Variants in MAGI2 observed in about 807,000 individuals in gnomAD.
MAGI2 encodes membrane associated guanylate kinase, WW and PDZ domain containing 2.
A neutral mutation model predicts 133.3 loss-of-function variants in MAGI2; 35 were observed. The ratio of observed to expected loss-of-function variants is 0.26; its 90% CI spans 0.20 to 0.35. The LOEUF is 0.35. MAGI2 is among the 10% of genes least tolerant of loss of function. The probability of loss-of-function intolerance (pLI) is 1.00; values close to 1 mark genes in which losing one functional copy is unlikely to be tolerated. For missense variants in MAGI2, 1,636 were observed against 1,863.4 expected, an observed-to-expected ratio of 0.88 and a Z score of 2.25; for synonymous variants, 729 against 710.6, an observed-to-expected ratio of 1.03 and a Z score of -0.41.
chr7:78,082,757 C>G (rs1816122690), intron 20 of MAGI2, among the ~76,000 whole-genome samples: 2 of 152,144 alleles, frequency 1.3e-5, no homozygotes, highest in Non-Finnish European at 2.9e-5. Context: ...CGTTGCAAAG[C>G]ACTCTGGGCA....
intron 2 of MAGI2, among the ~76,000 whole-genome samples, chr7:78,677,686 T>A (rs937702539): frequency 2.6e-5 from 4 of 152,152 alleles, no homozygotes; most frequent in African/African-American, 7.2e-5. Context: ...ATGGATTTAC[T>A]GGGGATTCTT....
intron 4 of MAGI2, among the ~76,000 whole-genome samples, chr7:78,521,175 A>G (rs920734076): frequency 1.3e-5 from 2 of 150,490 alleles, no homozygotes; most frequent in Admixed American, 1.3e-4. Context: ...GTAGTTGAAA[A>G]AATATGCCAA....
At position 78,229,957 on chromosome 7, in the gene MAGI2, C is replaced by T. The variant is rs528842575; in HGVS notation, c.2047+25986G>A. Among the ~76,000 whole-genome samples, 17 of 152,270 alleles carry T rather than the reference C, an allele frequency of 1.1e-4. No individual in the cohort carries two copies. The South Asian group carries it at 2.9e-3, about 26-fold the overall frequency. ...GGATTAGTGACCCACAGAAAAATGA[C>T]GATTAGAACATGGTTCTAATAAACG... On this transcript the variant is annotated intron_variant, in intron 10 of 21. Coordinates refer to ENST00000354212, the MANE Select transcript of MAGI2 (RefSeq NM_012301.4).
At chr7:78,378,509 A>G (rs1794650408) in intron 6 of MAGI2, among the ~76,000 whole-genome samples, 1 of 152,080 alleles carries the variant, frequency 6.6e-6, no homozygotes, top group Admixed American at 6.6e-5. Context: ...GCTCCTTACA[A>G]TGGAAAAATC....
chr7:79,006,886 T>C lies in MAGI2; in HGVS notation c.418+204A>G, dbSNP rs4730601. 0.68 allele frequency: 287,063 copies of C among 419,178 alleles called. 98,993 individuals carry two copies. Among genetic ancestry groups the C allele is most frequent in the Non-Finnish European group, 0.7 (167,398 of 238,716 alleles). 26.0% of individuals were successfully genotyped at this position (419,178 alleles called of 1,614,324 possible). A position where few individuals can be genotyped will look rare whatever the true frequency, so the allele number is the denominator to read the frequency against. ...ATTTTATAGCTTGAAAATCACAAGT[T>C]TCTTCTGGCTACAACTTCATCATAA... On this transcript the variant is annotated intron_variant, in intron 2 of 21. Coordinates refer to ENST00000354212, the MANE Select transcript of MAGI2 (RefSeq NM_012301.4).
chr7:78,283,098 A>G (rs1030620663), intron 9 of MAGI2, among the ~76,000 whole-genome samples: 4 of 152,102 alleles, frequency 2.6e-5, no homozygotes, highest in African/African-American at 9.7e-5. Context: ...CCTGAGCTCC[A>G]GTGATACTTC....
chr7:78,494,743 A>G (rs1318888279), intron 5 of MAGI2, among the ~76,000 whole-genome samples: 1 of 152,184 alleles, frequency 6.6e-6, no homozygotes, highest in African/African-American at 2.4e-5. Context: ...TAGTGAAATG[A>G]AAAGCTTTTA....
At chr7:78,512,759 A>G (rs898172003) in intron 4 of MAGI2, among the ~76,000 whole-genome samples, 6 of 152,204 alleles carry the variant, frequency 3.9e-5, no homozygotes, top group African/African-American at 1.4e-4. Flanking sequence ...TTCGTGCCTC[A>G]CAATTATTTT....
At chr7:79,067,748 A>C (rs1349988327) in intron 1 of MAGI2, among the ~76,000 whole-genome samples, 1 of 152,194 alleles carries the variant, frequency 6.6e-6, no homozygotes, top group African/African-American at 2.4e-5. Flanking sequence ...GGTTTGACCT[A>C]AATAGCTCTT....
chr7:78,783,113 A>G (rs1299704789), intron 2 of MAGI2, among the ~76,000 whole-genome samples: 1 of 144,494 alleles, frequency 6.9e-6, no homozygotes. Flanking sequence ...TATATTCCCC[A>G]CAGCACGTAG....
intron 3 of MAGI2, among the ~76,000 whole-genome samples, chr7:78,529,484 A>T (rs117393504): frequency 0.017 from 2,632 of 152,276 alleles, 47 homozygotes; most frequent in Non-Finnish European, 0.023. Context: ...AAAAGAAGGC[A>T]TTTGAACATT....
intron 3 of MAGI2, among the ~76,000 whole-genome samples, chr7:78,594,183 G>T (rs142540698): frequency 6.6e-6 from 1 of 152,176 alleles, no homozygotes; most frequent in African/African-American, 2.4e-5. Context: ...CAGTTTGCCG[G>T]AACTATATAG....
chr7:78,234,547 A>C (rs1483711973), intron 10 of MAGI2, among the ~76,000 whole-genome samples: 1 of 110,556 alleles, frequency 9.0e-6, no homozygotes, highest in Non-Finnish European at 2.2e-5. Flanking sequence ...ATTTATATTC[A>C]TTATAATATA....
intron 18 of MAGI2, 137 bp downstream of exon 18, chr7:78,132,752 A>T: frequency 1.6e-6 from 2 of 1,289,440 alleles, no homozygotes; most frequent in Non-Finnish European, 1.1e-6. Context: ...ACAACCTCGA[A>T]ATCACACAAA....
chr7:78,889,913 A>C (rs1301460758), intron 2 of MAGI2, among the ~76,000 whole-genome samples: 1 of 152,222 alleles, frequency 6.6e-6, no homozygotes, highest in African/African-American at 2.4e-5. Context: ...TAAATGCTCC[A>C]ATTAAAAGAC....
chr7:78,802,050 ATCAAGGGCTTTCCTTTC>A (rs1256428209), intron 2 of MAGI2, among the ~76,000 whole-genome samples: 2 of 152,260 alleles, frequency 1.3e-5, no homozygotes, highest in East Asian at 3.9e-4. Context: ...GTTCTTCCAG[ATCAAGGGCTTTCCTTTC>A]TCAGGCTCTT....
At chr7:78,023,134 G>A (rs1202357595) in intron 21 of MAGI2, among the ~76,000 whole-genome samples, 1 of 152,196 alleles carries the variant, frequency 6.6e-6, no homozygotes, top group African/African-American at 2.4e-5. Flanking sequence ...GCAAAGCTCT[G>A]TAAAGCACAA....
intron 21 of MAGI2, among the ~76,000 whole-genome samples, chr7:78,035,803 T>G (rs2151072856): frequency 6.6e-6 from 1 of 152,118 alleles, no homozygotes; most frequent in Non-Finnish European, 1.5e-5. Flanking sequence ...TACTTCTTCA[T>G]GTGTTTACTC....
At chr7:78,254,362 A>G (rs1432499116) in intron 10 of MAGI2, 1 of 152,358 alleles carries the variant, frequency 6.6e-6, no homozygotes, top group East Asian at 1.9e-4. Context: ...TTTAATATCA[A>G]GAACTTGGTC....
Sources: allele counts gnomAD v4.1 joint callset (sites outside exome capture counted in the v4.1 genomes callset), GRCh38; gene constraint gnomAD v4.1.1; transcripts MANE v1.5; gene names NCBI Gene and HGNC (gene_info 2026-07-23, HGNC 2026-07-21).